LTBP1: variants seen among roughly 807,000 people sequenced by gnomAD.
The protein encoded by LTBP1 is latent-transforming growth factor beta-binding protein 1.
LTBP1 carries 129 observed loss-of-function variants against 207.6 expected under a neutral mutation model. The observed-to-expected ratio is 0.62, with a 90% CI of 0.54 to 0.72. LTBP1 has a LOEUF of 0.72. Among genes scored for constraint, LTBP1 ranks in the 30% least tolerant of loss-of-function variants. The pLI is 0.00. For missense variants in LTBP1, 2,281 were observed against 2,217.2 expected, an observed-to-expected ratio of 1.03 and a Z score of -0.58; for synonymous variants, 963 against 833.7, an observed-to-expected ratio of 1.16 and a Z score of -2.67.
chr2:33,156,162 A>G (rs1430550478), intron 5 of LTBP1, among the ~76,000 whole-genome samples: 1 of 152,236 alleles, frequency 6.6e-6, no homozygotes, highest in Non-Finnish European at 1.5e-5. Flanking sequence ...TGAGGAAACT[A>G]AGGCCCGAAG....
At chr2:33,148,977 G>A (rs1572860452) in intron 5 of LTBP1, among the ~76,000 whole-genome samples, 1 of 152,038 alleles carries the variant, frequency 6.6e-6, no homozygotes, top group African/African-American at 2.4e-5. Flanking sequence ...CACTTTGGGA[G>A]GCCGAGGTAG....
Position 33,042,730 on chromosome 2 carries a change from T to C in LTBP1, c.863+21524T>C, listed in dbSNP as rs182728577. ...TCCAGACTGATCTAAGCAGATACTT[T>C]TAGGAAAGGTAAGAATGCCTTGATC... On this transcript the variant is annotated intron_variant, in intron 3 of 33. Coordinates refer to ENST00000404816, the MANE Select transcript of LTBP1 (RefSeq NM_206943.4). Among the ~76,000 whole-genome samples, 105 of 152,324 alleles carry C rather than the reference T, an allele frequency of 6.9e-4. 1 individual carries two copies. The highest frequency in any genetic ancestry group is 1.4e-3 in the Non-Finnish European group (92 of 68,024).
intron 31 of LTBP1, among the ~76,000 whole-genome samples, chr2:33,380,742 A>G (rs1181164162): frequency 1.3e-5 from 2 of 152,184 alleles, no homozygotes; most frequent in Non-Finnish European, 2.9e-5. Flanking sequence ...TGACTTTTTA[A>G]AAATTGCAGT....
Position 33,020,143 on chromosome 2 carries a change from A to G in LTBP1, c.566-766A>G, listed in dbSNP as rs536417970. ...TATTAAATTCGGAATGGTGCCTAGC[A>G]CACTGGATTTTTATACAAACTAGCA... On this transcript the variant is annotated intron_variant, in intron 2 of 33. Transcript: ENST00000404816. 1.2e-4 allele frequency among the ~76,000 whole-genome samples: 18 copies of G among 152,294 alleles called. 1 individual carries two copies. In the South Asian group the frequency reaches 3.5e-3, roughly 30 times the overall value.
At chr2:33,018,853 A>G (rs150096443) in intron 2 of LTBP1, among the ~76,000 whole-genome samples, 491 of 151,592 alleles carry the variant, frequency 3.2e-3, no homozygotes, top group Middle Eastern at 0.01. Flanking sequence ...AAGGTCACCT[A>G]GGGAGCTGGC....
intron 25 of LTBP1, among the ~76,000 whole-genome samples, chr2:33,346,607 C>A (rs547130997): frequency 6.6e-6 from 1 of 151,964 alleles, no homozygotes; most frequent in South Asian, 2.1e-4. Context: ...TCACTTGAAC[C>A]CGGGAGACAG....
chr2:33,231,437 G>A (rs916560678), intron 9 of LTBP1, among the ~76,000 whole-genome samples: 1 of 152,150 alleles, frequency 6.6e-6, no homozygotes. Context: ...CCTGTTTTCA[G>A]GGGGCATATC....
chr2:33,228,276 C>T (rs2091565444), intron 9 of LTBP1, among the ~76,000 whole-genome samples: 1 of 152,158 alleles, frequency 6.6e-6, no homozygotes, highest in South Asian at 2.1e-4. Flanking sequence ...ACTAAATTTA[C>T]TGTGTGCCAG....
In LTBP1 at chr2:33,092,122, G is replaced by A. The variant is rs181477153; in HGVS notation, c.864-18460G>A. ...AGTTCTTTGCCGTTAAAAAAATTAT[G>A]GACCCCTTTAACAATCTGCCAAAAA... is the stretch of plus-strand genomic sequence containing the variant. On this transcript the variant is annotated intron_variant, in intron 3 of 33. Coordinates refer to ENST00000404816, the MANE Select transcript of LTBP1 (RefSeq NM_206943.4). Among the ~76,000 whole-genome samples the A allele has an allele frequency of 2.6e-5, 4 of 152,194 alleles. No individual in the cohort carries two copies. The East Asian group carries it at 7.7e-4, about 29-fold the overall frequency.
chr2:33,345,079 ACTAAGCAC>A (rs756932983), intron 25 of LTBP1, among the ~76,000 whole-genome samples: 1 of 152,236 alleles, frequency 6.6e-6, no homozygotes, highest in Non-Finnish European at 1.5e-5. Flanking sequence ...AAAAATATTT[ACTAAGCAC>A]CTATGATACG....
At chr2:33,014,315 A>G (rs943370377) in intron 2 of LTBP1, among the ~76,000 whole-genome samples, 2 of 152,194 alleles carry the variant, frequency 1.3e-5, no homozygotes, top group Admixed American at 1.3e-4. Context: ...GACATTTACA[A>G]CGAAACAACA....
intron 31 of LTBP1, among the ~76,000 whole-genome samples, chr2:33,367,302 C>T (rs540675993): frequency 4.6e-5 from 7 of 152,094 alleles, no homozygotes; most frequent in Non-Finnish European, 7.3e-5. Context: ...TATCAAGATA[C>T]ATTTTACAAT....
intron 3 of LTBP1, among the ~76,000 whole-genome samples, chr2:33,038,291 C>G (rs540850730): frequency 6.6e-6 from 1 of 152,358 alleles, no homozygotes; most frequent in South Asian, 2.1e-4. Flanking sequence ...CTCCTGTTCT[C>G]TCAGCAGTGC....
intron 20 of LTBP1, among the ~76,000 whole-genome samples, chr2:33,300,208 G>A (rs893696296): frequency 6.6e-6 from 1 of 152,080 alleles, no homozygotes; most frequent in Admixed American, 6.6e-5. Context: ...TGATGGTGAG[G>A]AGTATGATTA....
chr2:33,259,106 A>G (rs2092942508), intron 12 of LTBP1, among the ~76,000 whole-genome samples: 1 of 152,232 alleles, frequency 6.6e-6, no homozygotes, highest in Admixed American at 6.5e-5. Flanking sequence ...AGATTGGAAT[A>G]CATCAAGAAT....
chr2:33,371,207 C>T (rs1237318352), intron 31 of LTBP1, among the ~76,000 whole-genome samples: 1 of 152,190 alleles, frequency 6.6e-6, no homozygotes, highest in East Asian at 1.9e-4. Flanking sequence ...CCGCAGACTG[C>T]ACTAGGAGGA....
At position 32,975,370 on chromosome 2, in the gene LTBP1, C is replaced by T. The variant is rs1284659523; in HGVS notation, c.565+26425C>T. ...CTGTGTATCTTGGGGATGATTGTCT[C>T]ATATAGTATCTAACAGGGGTTCTAT... On this transcript the variant is annotated intron_variant, in intron 2 of 33. Coordinates refer to ENST00000404816, the MANE Select transcript of LTBP1 (RefSeq NM_206943.4). 3.3e-5 allele frequency among the ~76,000 whole-genome samples: 5 copies of T among 152,078 alleles called. No individual in the cohort carries two copies. In the South Asian group the frequency reaches 8.3e-4, roughly 25 times the overall value.
chr2:33,033,985 C>A (rs1207755993), intron 3 of LTBP1, among the ~76,000 whole-genome samples: 1 of 152,132 alleles, frequency 6.6e-6, no homozygotes, highest in Non-Finnish European at 1.5e-5. Flanking sequence ...ACAGCCCTAA[C>A]CCCCTCCCCG....
At chr2:33,214,263 A>G (rs776748014) in intron 7 of LTBP1, among the ~76,000 whole-genome samples, 6 of 152,200 alleles carry the variant, frequency 3.9e-5, no homozygotes, top group Non-Finnish European at 7.3e-5. Flanking sequence ...TCCCAGTCTT[A>G]GGCCTGGGTC....
Sources: allele counts gnomAD v4.1 joint callset (sites outside exome capture counted in the v4.1 genomes callset), GRCh38; gene constraint gnomAD v4.1.1; transcripts MANE v1.5; gene names NCBI Gene and HGNC (gene_info 2026-07-23, HGNC 2026-07-21).